Variants in POU2F1 observed in about 807,000 individuals in gnomAD.
POU2F1 encodes POU domain, class 2, transcription factor 1.
In POU2F1, 16 loss-of-function variants were observed where a neutral mutation model predicts 84.9. That is an observed-to-expected ratio of 0.19 (90% CI 0.13 to 0.29). POU2F1 has a LOEUF of 0.29. Ranked by LOEUF, POU2F1 falls within the 10% of genes least tolerant of loss-of-function variation. The pLI is 1.00. For synonymous variants in POU2F1, 368 were observed against 368.3 expected, an observed-to-expected ratio of 1.00 and a Z score of 0.01; for missense variants, 738 against 942.6, an observed-to-expected ratio of 0.78 and a Z score of 2.84.
chr1:167,286,596 G>C (rs567775994), intron 1 of POU2F1, among the ~76,000 whole-genome samples: 4 of 152,296 alleles, frequency 2.6e-5, no homozygotes, highest in African/African-American at 9.6e-5. Flanking sequence ...TATTGTTTAT[G>C]CATTACCTTA....
chr1:167,253,711 G>A (rs1483623827), intron 1 of POU2F1, among the ~76,000 whole-genome samples: 3 of 152,088 alleles, frequency 2.0e-5, no homozygotes, highest in East Asian at 1.9e-4. Context: ...ATAAGCCTGA[G>A]CCACCACGTC....
chr1:167,251,507 G>C (rs532847733), intron 1 of POU2F1, among the ~76,000 whole-genome samples: 1 of 152,316 alleles, frequency 6.6e-6, no homozygotes, highest in South Asian at 2.1e-4. Context: ...ATTTGGTAGA[G>C]TATGGAGGGA....
intron 1 of POU2F1, among the ~76,000 whole-genome samples, chr1:167,284,533 A>G (rs941291411): frequency 6.6e-6 from 1 of 152,236 alleles, no homozygotes; most frequent in Admixed American, 6.5e-5. Flanking sequence ...TTTTTTAGGT[A>G]TTCGAAAATA....
At chr1:167,372,549 T>G (rs1274420412) in intron 5 of POU2F1, among the ~76,000 whole-genome samples, 1 of 152,236 alleles carries the variant, frequency 6.6e-6, no homozygotes, top group African/African-American at 2.4e-5. Flanking sequence ...CCTGTTTTCC[T>G]TCTGTTAAAT....
Position 167,424,933 on chromosome 1 carries a change from A to G in POU2F1, c.*9123A>G, listed in dbSNP as rs527630795. On this transcript the variant is annotated 3_prime_UTR_variant, in exon 16 of 16. Transcript: ENST00000367866. ...AGGCCTCAGGGTTCTGTTTCTTTTC[A>G]GGACTTTGGGTAGAAGGGAAGACAC... 5.9e-4 allele frequency: 90 copies of G among 152,214 alleles called. No individual in the cohort carries two copies. Among genetic ancestry groups the G allele is most frequent in the African/African-American group, 1.9e-3 (77 of 41,518 alleles). The allele number at this position is 152,214 out of a possible 1,614,324, so 9.4% of individuals were successfully genotyped here. A position where few individuals can be genotyped will look rare whatever the true frequency, so the allele number is the denominator to read the frequency against.
At chr1:167,405,756 C>T (rs1490649725) in intron 13 of POU2F1, among the ~76,000 whole-genome samples, 1 of 152,164 alleles carries the variant, frequency 6.6e-6, no homozygotes, top group Non-Finnish European at 1.5e-5. Context: ...GTTCTAACTG[C>T]CATCTGCAGA....
intron 1 of POU2F1, among the ~76,000 whole-genome samples, chr1:167,322,552 C>A (rs1281860621): frequency 2.0e-5 from 3 of 152,182 alleles, no homozygotes; most frequent in African/African-American, 7.2e-5. Context: ...GGGGGACAGG[C>A]ATTGTACAGG....
intron 9 of POU2F1, among the ~76,000 whole-genome samples, chr1:167,393,058 A>G (rs1648538513): frequency 6.6e-6 from 1 of 152,246 alleles, no homozygotes; most frequent in Non-Finnish European, 1.5e-5. Flanking sequence ...AAAACATGTC[A>G]TAGCATAATA....
At chr1:167,289,799 A>C (rs1289809504) in intron 1 of POU2F1, among the ~76,000 whole-genome samples, 1 of 152,118 alleles carries the variant, frequency 6.6e-6, no homozygotes, top group Non-Finnish European at 1.5e-5. Flanking sequence ...TGAGATGTTC[A>C]TTTATTTGCT....
rs1170010494 is a variant in POU2F1 at position 167,346,050 on chromosome 1, C to T, written c.127+13515C>T. Among the ~76,000 whole-genome samples, 3 of 151,764 alleles carry T rather than the reference C, an allele frequency of 2.0e-5. No individual in the cohort carries two copies. In the East Asian group the frequency reaches 5.8e-4, roughly 29 times the overall value. On this transcript the variant is annotated intron_variant, in intron 2 of 15. Coordinates refer to ENST00000367866, the MANE Select transcript of POU2F1 (RefSeq NM_002697.4). ...ATTAACTGGGCATGGTGGCACATGCCTGTGGTCCCAGCTACTTGGGAGGCT... is the reference window on the plus strand; with the variant it reads ...ATTAACTGGGCATGGTGGCACATGCTTGTGGTCCCAGCTACTTGGGAGGCT...
intron 1 of POU2F1, among the ~76,000 whole-genome samples, chr1:167,249,157 A>T (rs539916381): frequency 3.3e-5 from 5 of 152,288 alleles, no homozygotes; most frequent in Admixed American, 3.3e-4. Flanking sequence ...CCTCTGTAAG[A>T]ATGTTTGGCA....
intron 4 of POU2F1, 24 bp from the exon 5 acceptor site, chr1:167,371,893 T>C: frequency 2.5e-6 from 4 of 1,614,016 alleles, no homozygotes; most frequent in Non-Finnish European, 3.4e-6. Context: ...TGCAATCTTT[T>C]ATTTCCTACC....
chr1:167,241,219 A>C (rs1040247067), intron 1 of POU2F1, among the ~76,000 whole-genome samples: 3 of 152,098 alleles, frequency 2.0e-5, no homozygotes, highest in African/African-American at 7.2e-5. Context: ...TATTTTACAC[A>C]TCTCCCTTTG....
chr1:167,303,203 C>G (rs921885868), intron 1 of POU2F1, among the ~76,000 whole-genome samples: 1 of 151,648 alleles, frequency 6.6e-6, no homozygotes, highest in African/African-American at 2.4e-5. Flanking sequence ...GCTGTTTTAT[C>G]CAGCTTCATG....
chr1:167,403,696 A>G (rs977001952), intron 13 of POU2F1, among the ~76,000 whole-genome samples: 2 of 152,076 alleles, frequency 1.3e-5, no homozygotes, highest in African/African-American at 4.8e-5. Context: ...CTTCCTGAAG[A>G]CTTTCTTCTT....
rs1208462994 is a variant in POU2F1 at position 167,269,351 on chromosome 1, T to C, written c.61+48393T>C. ...TAGGTATTTGCCTACTGTTAACCGT[T>C]GAGAAAAACATTGTCAGGTTAGCAA... On this transcript the variant is annotated intron_variant, in intron 1 of 15. Coordinates refer to ENST00000367866, the MANE Select transcript of POU2F1 (RefSeq NM_002697.4). Among the ~76,000 whole-genome samples the C allele has an allele frequency of 4.6e-5, 7 of 152,220 alleles. No individual in the cohort carries two copies. In the East Asian group the frequency reaches 1.3e-3, roughly 29 times the overall value.
At chr1:167,312,162 T>C (rs1655533810) in intron 1 of POU2F1, among the ~76,000 whole-genome samples, 1 of 151,938 alleles carries the variant, frequency 6.6e-6, no homozygotes, top group South Asian at 2.1e-4. Context: ...GGTCTTGAAC[T>C]CCTCACCTTA....
intron 2 of POU2F1, among the ~76,000 whole-genome samples, chr1:167,364,799 G>T (rs1659576369): frequency 6.6e-6 from 1 of 151,774 alleles, no homozygotes. Flanking sequence ...GAACTCATGA[G>T]CTCAAGCCAT....
chr1:167,388,683 T>C (rs1648164689), intron 8 of POU2F1, among the ~76,000 whole-genome samples: 1 of 152,214 alleles, frequency 6.6e-6, no homozygotes. Flanking sequence ...AAATGCTATA[T>C]ATCCAGACAA....
Sources: allele counts gnomAD v4.1 joint callset (sites outside exome capture counted in the v4.1 genomes callset), GRCh38; gene constraint gnomAD v4.1.1; transcripts MANE v1.5; gene names NCBI Gene and HGNC (gene_info 2026-07-23, HGNC 2026-07-21).